The following GAB1 variants were observed in gnomAD, a reference collection of about 807,000 sequenced individuals.
GAB1 encodes GRB2-associated-binding protein 1.
Under a neutral mutation model 66.5 loss-of-function variants are expected in GAB1, and 19 were observed. The ratio of observed to expected loss-of-function variants is 0.29; its 90% CI spans 0.20 to 0.42. The LOEUF (loss-of-function observed/expected upper bound fraction) is 0.42. Among genes scored for constraint, GAB1 ranks in the 10% least tolerant of loss-of-function variants. The pLI is 1.00. For synonymous variants in GAB1, 294 were observed against 301.4 expected (o/e 0.98, Z 0.25); for missense variants, 732 against 858.5 (o/e 0.85, Z 1.84).
At chr4:143,441,147 TAAG>T (rs1211722311) in intron 6 of GAB1, among the ~76,000 whole-genome samples, 2 of 152,204 alleles carry the variant, frequency 1.3e-5, no homozygotes, top group African/African-American at 4.8e-5. Flanking sequence ...CATAGTTTGT[TAAG>T]AAGTCTGTAA....
intron 6 of GAB1, among the ~76,000 whole-genome samples, chr4:143,442,319 G>T (rs539423141): frequency 6.6e-6 from 1 of 152,064 alleles, no homozygotes; most frequent in East Asian, 1.9e-4. Flanking sequence ...TTGAGGTCTC[G>T]CATAAATGTG....
chr4:143,392,686 C>T (rs1213280004), intron 1 of GAB1, among the ~76,000 whole-genome samples: 2 of 152,078 alleles, frequency 1.3e-5, no homozygotes, highest in Non-Finnish European at 2.9e-5. Context: ...TAGTTTCTGA[C>T]ATTGAAGATA....
intron 1 of GAB1, among the ~76,000 whole-genome samples, chr4:143,403,588 C>T (rs1253212085): frequency 3.3e-5 from 5 of 152,184 alleles, no homozygotes; most frequent in Non-Finnish European, 5.9e-5. Context: ...CTCCAAGAAT[C>T]GTGTTTTATG....
chr4:143,427,912 A>T (rs139735198), intron 2 of GAB1, among the ~76,000 whole-genome samples: 1 of 152,330 alleles, frequency 6.6e-6, no homozygotes, highest in Non-Finnish European at 1.5e-5. Flanking sequence ...AAAGTGAAGC[A>T]TCTCTTTCTT....
intron 2 of GAB1, among the ~76,000 whole-genome samples, chr4:143,430,086 G>A (rs1005893557): frequency 1.3e-5 from 2 of 152,148 alleles, no homozygotes; most frequent in African/African-American, 4.8e-5. Context: ...AGCCCTCCAT[G>A]AATCCTGTAC....
chr4:143,457,605 T>C, intron 6 of GAB1: 1 of 556,758 alleles, frequency 1.8e-6, no homozygotes, highest in South Asian at 3.2e-5. Flanking sequence ...CTTTTTTTTT[T>C]TTTTTTTTTT....
intron 8 of GAB1, among the ~76,000 whole-genome samples, chr4:143,463,307 T>C (rs1253865034): frequency 6.6e-6 from 1 of 152,132 alleles, no homozygotes; most frequent in African/African-American, 2.4e-5. Context: ...TAAATGATTT[T>C]ACATAATTTT....
chr4:143,470,455 T>A lies in GAB1; in HGVS notation c.*1266T>A, dbSNP rs1736021851. 6.6e-6 allele frequency: 1 copy of A among 152,200 alleles called. No individual in the cohort carries two copies. Among genetic ancestry groups the A allele is most frequent in the Non-Finnish European group, 1.5e-5 (1 of 68,020 alleles). 9.4% of individuals were successfully genotyped at this position (152,200 alleles called of 1,614,324 possible). A position where few individuals can be genotyped will look rare whatever the true frequency, so the allele number is the denominator to read the frequency against. ...GCTACAATGTGAAATGTTATAGTCA[T>A]GGACTCCTTCCAACCAGATTTCTGA... is the stretch of plus-strand genomic sequence containing the variant. On this transcript the variant is annotated 3_prime_UTR_variant, in exon 10 of 10. Coordinates refer to ENST00000262994, the MANE Select transcript of GAB1 (RefSeq NM_002039.4).
chr4:143,434,008 T>C, intron 3 of GAB1: 1 of 792,520 alleles, frequency 1.3e-6, no homozygotes, highest in Non-Finnish European at 1.9e-6. Flanking sequence ...TGTTACAGAC[T>C]CACAGTATTA....
intron 2 of GAB1, among the ~76,000 whole-genome samples, chr4:143,421,703 T>C (rs112510782): frequency 0.11 from 16,605 of 144,960 alleles, 2,134 homozygotes; most frequent in African/African-American, 0.33. Flanking sequence ...CTTTTCTTTT[T>C]TTTTTTTTTT....
chr4:143,412,699 C>G (rs961884549), intron 1 of GAB1, among the ~76,000 whole-genome samples: 2 of 151,990 alleles, frequency 1.3e-5, no homozygotes, highest in African/African-American at 4.8e-5. Flanking sequence ...AAGAGAAGCC[C>G]TGAAGGTTGG....
intron 1 of GAB1, among the ~76,000 whole-genome samples, chr4:143,354,014 G>A (rs931752281): frequency 6.6e-6 from 1 of 152,164 alleles, no homozygotes; most frequent in East Asian, 1.9e-4. Context: ...GAGAGTCCGA[G>A]TAAGTTTAGT....
At chr4:143,371,912 A>C (rs1241178029) in intron 1 of GAB1, among the ~76,000 whole-genome samples, 2 of 152,142 alleles carry the variant, frequency 1.3e-5, no homozygotes, top group African/African-American at 4.8e-5. Context: ...TTTTATGAAG[A>C]ATCATTGACT....
intron 1 of GAB1, chr4:143,349,665 G>A (rs551723408): frequency 8.5e-4 from 1,272 of 1,496,848 alleles, no homozygotes; most frequent in Non-Finnish European, 1.1e-3. Context: ...CTCTGTGCAC[G>A]GGGACAATGG....
At chr4:143,373,553 G>C (rs1730246014) in intron 1 of GAB1, among the ~76,000 whole-genome samples, 1 of 152,240 alleles carries the variant, frequency 6.6e-6, no homozygotes, top group Non-Finnish European at 1.5e-5. Context: ...TAGAAGCCAG[G>C]CTTGGTGGCT....
chr4:143,439,963 G>C, intron 5 of GAB1, 76 bp downstream of exon 5: 2 of 1,386,256 alleles, frequency 1.4e-6, no homozygotes, highest in South Asian at 2.4e-5. Flanking sequence ...ATGAGACTAA[G>C]TGATATCATG....
chr4:143,396,839 G>T lies in GAB1; in HGVS notation c.73-18638G>T, dbSNP rs113994620. ...CTTATTGAGCACTGAGGCAGTGGAAGAGTGGCCACTCAAGGGTGCAGTGGT... is the reference window on the plus strand; with the variant it reads ...CTTATTGAGCACTGAGGCAGTGGAATAGTGGCCACTCAAGGGTGCAGTGGT... On this transcript the variant is annotated intron_variant, in intron 1 of 9. Coordinates refer to ENST00000262994, the MANE Select transcript of GAB1 (RefSeq NM_002039.4). 2.3e-3 allele frequency among the ~76,000 whole-genome samples: 344 copies of T among 152,320 alleles called. 2 individuals are homozygous for T. The highest frequency in any genetic ancestry group is 7.9e-3 in the African/African-American group (330 of 41,570).
In GAB1 at chr4:143,438,185, C is replaced by T. The variant is rs141924622; in HGVS notation, c.780C>T (p.Asn260=). The change falls in exon 4 of 10, where the codon AAC becomes AAT. Residue 260 remains asparagine (N), a synonymous_variant. Transcript: ENST00000262994. ...PSASVDSSLY[N]LPRSYSHDVL... ...CTTCAGTTGACTCCAGCCTTTATAA[C>T]CTGCCCAGGAGTTATTCCCATGATG... 1.2e-6 allele frequency: 2 copies of T among 1,614,014 alleles called. No individual in the cohort carries two copies. Among genetic ancestry groups the T allele is most frequent in the South Asian group, 1.1e-5 (1 of 91,078 alleles).
At chr4:143,468,480 T>C (rs1735916237) in intron 9 of GAB1, among the ~76,000 whole-genome samples, 1 of 151,780 alleles carries the variant, frequency 6.6e-6, no homozygotes. Context: ...CCCAAAGTGC[T>C]GGGATTATAG....
Sources: allele counts gnomAD v4.1 joint callset (sites outside exome capture counted in the v4.1 genomes callset), GRCh38; gene constraint gnomAD v4.1.1; transcripts MANE v1.5; gene names NCBI Gene and HGNC (gene_info 2026-07-23, HGNC 2026-07-21).